Variants in ATP9A observed in about 807,000 individuals in gnomAD.
The protein encoded by ATP9A is probable phospholipid-transporting ATPase IIA.
Under a neutral mutation model 144.1 loss-of-function variants are expected in ATP9A, and 52 were observed. That is an observed-to-expected ratio of 0.36 (90% confidence interval 0.29 to 0.45). The LOEUF is 0.45. Among genes scored for constraint, ATP9A ranks in the 20% least tolerant of loss-of-function variants. The pLI, the probability that ATP9A is intolerant of heterozygous loss-of-function variation, is 1.00. For synonymous variants in ATP9A, 582 were observed against 557.4 expected (o/e 1.04, Z -0.62); for missense variants, 947 against 1,392.7 (o/e 0.68, Z 5.09).
chr20:51,728,606 G>A (rs1330719994), intron 2 of ATP9A, among the ~76,000 whole-genome samples: 19 of 136,984 alleles, frequency 1.4e-4, no homozygotes, highest in Admixed American at 8.8e-4. Flanking sequence ...CAGCCTGGGC[G>A]ACAGAGCGAG....
At chr20:51,731,193 A>G (rs2077739489) in intron 1 of ATP9A, among the ~76,000 whole-genome samples, 2 of 151,486 alleles carry the variant, frequency 1.3e-5, no homozygotes, top group African/African-American at 4.9e-5. Flanking sequence ...AATCCCAGCT[A>G]CTCGGGAGGC....
At chr20:51,617,893 G>T (rs1601059343) in intron 21 of ATP9A, among the ~76,000 whole-genome samples, 1 of 152,186 alleles carries the variant, frequency 6.6e-6, no homozygotes, top group South Asian at 2.1e-4. Flanking sequence ...CTTACTGGAC[G>T]CTTTCCATGC....
chr20:51,716,803 C>A (rs62226691), intron 3 of ATP9A, among the ~76,000 whole-genome samples: 10,373 of 152,220 alleles, frequency 0.068, 825 homozygotes, highest in African/African-American at 0.19. Flanking sequence ...CCCAACAAAC[C>A]AAGGCAGTAG....
intron 3 of ATP9A, among the ~76,000 whole-genome samples, chr20:51,719,920 A>G (rs1266411656): frequency 6.6e-6 from 1 of 150,822 alleles, no homozygotes. Context: ...GTGATGGCAC[A>G]CACCTGTAAT....
intron 14 of ATP9A, among the ~76,000 whole-genome samples, chr20:51,653,656 G>T (rs77263913): frequency 6.6e-6 from 1 of 151,970 alleles, no homozygotes; most frequent in East Asian, 1.9e-4. Flanking sequence ...GCATGGTGGC[G>T]CACTTCTGTA....
intron 1 of ATP9A, among the ~76,000 whole-genome samples, chr20:51,745,215 C>G (rs1032707792): frequency 1.3e-5 from 2 of 148,988 alleles, no homozygotes; most frequent in Admixed American, 6.8e-5. Flanking sequence ...TGCACTGAGC[C>G]AAGATCATGC....
chr20:51,645,514 CAAACAAACAAACAA>C (rs1473792285), intron 14 of ATP9A, among the ~76,000 whole-genome samples: 4 of 146,724 alleles, frequency 2.7e-5, no homozygotes, highest in Admixed American at 7.2e-5. Flanking sequence ...TCAAAACAAA[CAAACAAACAAACAA>C]AAACAAACAA....
intron 8 of ATP9A, among the ~76,000 whole-genome samples, chr20:51,689,686 T>C (rs1383293928): frequency 6.6e-6 from 1 of 151,712 alleles, no homozygotes; most frequent in Non-Finnish European, 1.5e-5. Context: ...CCTCCCAAAA[T>C]GCTGGGATTA....
intron 14 of ATP9A, 107 bp from the exon 15 acceptor site, chr20:51,639,611 C>T: frequency 8.3e-7 from 1 of 1,201,164 alleles, no homozygotes; most frequent in Non-Finnish European, 1.2e-6. Flanking sequence ...AGGGGAATCA[C>T]AGTAGTCACT....
intron 18 of ATP9A, among the ~76,000 whole-genome samples, chr20:51,622,668 T>C (rs781565398): frequency 6.6e-6 from 1 of 152,178 alleles, no homozygotes; most frequent in Non-Finnish European, 1.5e-5. Context: ...TTCTTCCGTA[T>C]CGTGCATTAG....
rs775230185 is a variant in ATP9A, at chr20:51,639,445, A to G, written c.1566T>C (p.Ser522=). 1.2e-6 allele frequency: 2 copies of G among 1,613,936 alleles called. No homozygotes were observed. Among genetic ancestry groups the G allele is most frequent in the Admixed American group, 1.7e-5 (1 of 59,990 alleles). ...CGCCAGGGGTCCTCAGCTGCATGGA[A>G]GACTGGTCTCGGCCCACCAGGGTTA... The part of the protein sequence containing the change: ...VGLTLVGRDQ[S]SMQLRTPGDQ... The change falls in exon 15 of 28, where the codon TCT becomes TCC. Residue 522 remains serine, a synonymous_variant. Coordinates refer to ENST00000338821, the MANE Select transcript of ATP9A (RefSeq NM_006045.3).
At chr20:51,693,922 T>A in intron 7 of ATP9A, 86 bp downstream of exon 7, 2 of 1,191,876 alleles carry the variant, frequency 1.7e-6, no homozygotes, top group Non-Finnish European at 2.4e-6. Flanking sequence ...CAAGTTGCCA[T>A]CCCATGCCTG....
intron 18 of ATP9A, among the ~76,000 whole-genome samples, chr20:51,622,923 T>C (rs2077232788): frequency 6.6e-6 from 1 of 152,224 alleles, no homozygotes; most frequent in African/African-American, 2.4e-5. Flanking sequence ...AAGAAGATCA[T>C]GACAATTGTC....
intron 14 of ATP9A, among the ~76,000 whole-genome samples, chr20:51,650,597 T>A (rs1436198511): frequency 6.6e-6 from 1 of 152,074 alleles, no homozygotes. Context: ...GTAATTCTAA[T>A]ACATGCAAAG....
chr20:51,670,247 A>T (rs2077450433), intron 12 of ATP9A, 138 bp from the exon 13 acceptor site: 4 of 656,532 alleles, frequency 6.1e-6, no homozygotes, highest in Non-Finnish European at 1.1e-5. Flanking sequence ...TGGGGAAGAC[A>T]CCTGCAGCAT....
chr20:51,746,480 C>A (rs1287163050), intron 1 of ATP9A, among the ~76,000 whole-genome samples: 3 of 151,904 alleles, frequency 2.0e-5, no homozygotes, highest in Admixed American at 2.0e-4. Flanking sequence ...AGGCGGATCA[C>A]CTGAGGTCAG....
intron 1 of ATP9A, among the ~76,000 whole-genome samples, chr20:51,748,661 T>C (rs968874243): frequency 1.3e-5 from 2 of 152,200 alleles, no homozygotes; most frequent in African/African-American, 4.8e-5. Flanking sequence ...AGGGAGGACA[T>C]TTTGACGATG....
chr20:51,630,539 C>G (rs865839326), intron 15 of ATP9A, among the ~76,000 whole-genome samples: 1 of 151,994 alleles, frequency 6.6e-6, no homozygotes, highest in South Asian at 2.1e-4. Flanking sequence ...CCTGTCTCTA[C>G]TAAAATTACA....
chr20:51,712,910 T>C, intron 4 of ATP9A, 56 bp downstream of exon 4: 1 of 1,464,942 alleles, frequency 6.8e-7, no homozygotes, highest in South Asian at 1.2e-5. Flanking sequence ...CTCCCCTGAC[T>C]GTCAGCGGCC....
Sources: gnomAD v4.1 joint callset for allele counts (sites outside exome capture counted in the v4.1 genomes callset) on GRCh38, gnomAD v4.1.1 for gene constraint, MANE v1.5 for transcripts, NCBI Gene and HGNC (gene_info 2026-07-23, HGNC 2026-07-21) for gene names.